Variants in CDK6 observed in about 807,000 individuals in gnomAD.
CDK6 encodes cyclin dependent kinase 6.
Under a neutral mutation model 37.1 loss-of-function variants are expected in CDK6, and 6 were observed. The ratio of observed to expected loss-of-function variants is 0.16; its 90% CI spans 0.09 to 0.32. The LOEUF (loss-of-function observed/expected upper bound fraction) is 0.32, where lower values mean the gene tolerates loss of function less well. Ranked by LOEUF, CDK6 falls within the 10% of genes least tolerant of loss-of-function variation. The pLI is 1.00. For synonymous variants in CDK6, 160 were observed against 161.3 expected (o/e 0.99, Z 0.06); for missense variants, 224 against 418.9 (o/e 0.53, Z 4.06).
At chr7:92,692,188 C>T (rs547093374) in intron 4 of CDK6, among the ~76,000 whole-genome samples, 1 of 152,036 alleles carries the variant, frequency 6.6e-6, no homozygotes, top group African/African-American at 2.4e-5. Flanking sequence ...ATTGCTTGAA[C>T]CCAGGAGGCA....
intron 2 of CDK6, among the ~76,000 whole-genome samples, chr7:92,787,679 A>C (rs1052410610): frequency 2.0e-5 from 3 of 152,180 alleles, no homozygotes; most frequent in African/African-American, 7.2e-5. Flanking sequence ...TCTACAAAAA[A>C]GAATATGAGA....
chr7:92,609,145 G>A lies in CDK6; in HGVS notation c.*5995C>T. The A allele has an allele frequency of 4.3e-6, 1 of 232,986 alleles. No individual in the cohort carries two copies. Among genetic ancestry groups the A allele is most frequent in the Non-Finnish European group, 8.5e-6 (1 of 117,906 alleles). 14.4% of individuals were successfully genotyped at this position (232,986 alleles called of 1,614,324 possible). On this transcript the variant is annotated 3_prime_UTR_variant, in exon 8 of 8. Coordinates refer to ENST00000424848, the MANE Select transcript of CDK6 (RefSeq NM_001145306.2). ...AGACTCATCTGCTTGCCACTCAGGA[G>A]GAAAGTTGGGCAGGCACCGTCGAGT...
intron 2 of CDK6, among the ~76,000 whole-genome samples, chr7:92,796,440 G>A (rs780128922): frequency 1.6e-4 from 24 of 152,026 alleles, no homozygotes; most frequent in Non-Finnish European, 3.1e-4. Context: ...AGAATAATTT[G>A]AGAGAAAATA....
chr7:92,666,479 A>G (rs991624497), intron 5 of CDK6, among the ~76,000 whole-genome samples: 5 of 152,252 alleles, frequency 3.3e-5, no homozygotes, highest in South Asian at 4.1e-4. Context: ...ATAAACATGC[A>G]TGAACTTTCT....
intron 3 of CDK6, among the ~76,000 whole-genome samples, chr7:92,757,923 T>A (rs902402975): frequency 8.5e-5 from 13 of 152,254 alleles, no homozygotes; most frequent in South Asian, 2.1e-4. Flanking sequence ...AAGCTTTTTT[T>A]AAATATGCTT....
At chr7:92,671,396 A>G (rs1386926076) in intron 5 of CDK6, 30 bp downstream of exon 5, 2 of 1,367,770 alleles carry the variant, frequency 1.5e-6, no homozygotes, top group Non-Finnish European at 1.0e-6. Flanking sequence ...TTTTCAAGGA[A>G]AGCAGAGTGA....
rs548183038 is a variant in CDK6, at chr7:92,799,450, C to T, written c.234-24619G>A. 2.0e-5 allele frequency among the ~76,000 whole-genome samples: 3 copies of T among 152,106 alleles called. No homozygotes were observed. In the South Asian group the frequency reaches 6.2e-4, roughly 32 times the overall value. ...TTGTGTCTGCTTTTCTCTCTGCCCC[C>T]TTTTTTCTCCTTCAATCCTAAATGC... On this transcript the variant is annotated intron_variant, in intron 2 of 7. Coordinates refer to ENST00000424848, the MANE Select transcript of CDK6 (RefSeq NM_001145306.2).
chr7:92,673,092 T>C (rs1321807875), intron 4 of CDK6, among the ~76,000 whole-genome samples: 9 of 152,208 alleles, frequency 5.9e-5, no homozygotes, highest in Admixed American at 5.9e-4. Context: ...CCAGCTGTCA[T>C]GCTGTGAGAA....
chr7:92,781,225 C>T (rs991381175), intron 2 of CDK6, among the ~76,000 whole-genome samples: 2 of 152,218 alleles, frequency 1.3e-5, no homozygotes, highest in African/African-American at 2.4e-5. Flanking sequence ...TGGCCAAGCC[C>T]CTAACTCTCC....
intron 3 of CDK6, among the ~76,000 whole-genome samples, chr7:92,748,251 A>G (rs1455473941): frequency 1.3e-5 from 2 of 152,208 alleles, no homozygotes; most frequent in Admixed American, 6.5e-5. Context: ...AGGAGCAGGA[A>G]ATGCAAAAAA....
intron 4 of CDK6, among the ~76,000 whole-genome samples, chr7:92,697,322 A>C (rs558267832): frequency 6.6e-6 from 1 of 152,358 alleles, no homozygotes; most frequent in East Asian, 1.9e-4. Flanking sequence ...AAGAAACCCC[A>C]GAGCTGCACA....
chr7:92,689,081 T>C (rs748484984), intron 4 of CDK6, among the ~76,000 whole-genome samples: 1 of 152,202 alleles, frequency 6.6e-6, no homozygotes, highest in Non-Finnish European at 1.5e-5. Context: ...TGCTACTTGG[T>C]GGCCAACACT....
At chr7:92,718,522 C>T (rs891198417) in intron 4 of CDK6, among the ~76,000 whole-genome samples, 6 of 152,138 alleles carry the variant, frequency 3.9e-5, no homozygotes, top group African/African-American at 9.7e-5. Flanking sequence ...CATTGTTCTC[C>T]GATCTCTGGT....
chr7:92,626,722 A>T (rs1795936117), intron 5 of CDK6, among the ~76,000 whole-genome samples: 1 of 152,040 alleles, frequency 6.6e-6, no homozygotes, highest in Non-Finnish European at 1.5e-5. Flanking sequence ...ATTTAGAAGA[A>T]GATGATCAGA....
chr7:92,731,011 T>C (rs1469134922), intron 3 of CDK6, among the ~76,000 whole-genome samples: 1 of 152,196 alleles, frequency 6.6e-6, no homozygotes, highest in Non-Finnish European at 1.5e-5. Context: ...CAGCATCGTG[T>C]TAAGGTCCTA....
intron 2 of CDK6, among the ~76,000 whole-genome samples, chr7:92,825,464 A>G (rs1801286221): frequency 6.6e-6 from 1 of 151,704 alleles, no homozygotes; most frequent in African/African-American, 2.4e-5. Context: ...ATGCGTGCAC[A>G]CACACACACA....
intron 2 of CDK6, among the ~76,000 whole-genome samples, chr7:92,810,095 T>C (rs1247639125): frequency 2.6e-5 from 4 of 152,204 alleles, no homozygotes; most frequent in Admixed American, 2.6e-4. Flanking sequence ...TCTCTAGATA[T>C]GGCTATGAAA....
At chr7:92,755,839 G>C (rs1485063103) in intron 3 of CDK6, among the ~76,000 whole-genome samples, 2 of 152,112 alleles carry the variant, frequency 1.3e-5, no homozygotes, top group Non-Finnish European at 2.9e-5. Flanking sequence ...GAGCCAACAG[G>C]GTATCTCTTG....
At chr7:92,786,164 G>C (rs1169675440) in intron 2 of CDK6, among the ~76,000 whole-genome samples, 1 of 152,110 alleles carries the variant, frequency 6.6e-6, no homozygotes, top group Non-Finnish European at 1.5e-5. Flanking sequence ...TCCAGCTTTG[G>C]GCCTCTCTTG....
Sources: gnomAD v4.1 joint callset for allele counts (sites outside exome capture counted in the v4.1 genomes callset) on GRCh38, gnomAD v4.1.1 for gene constraint, MANE v1.5 for transcripts, NCBI Gene and HGNC (gene_info 2026-07-23, HGNC 2026-07-21) for gene names.